PLCB1: variants seen among roughly 807,000 people sequenced by gnomAD.
PLCB1 encodes 1-phosphatidylinositol 4,5-bisphosphate phosphodiesterase beta-1.
Under a neutral mutation model 161.8 loss-of-function variants are expected in PLCB1, and 46 were observed. That is an observed-to-expected ratio of 0.28 (90% CI 0.22 to 0.36). The LOEUF (loss-of-function observed/expected upper bound fraction) is 0.36, where lower values mean the gene tolerates loss of function less well. Ranked by LOEUF, PLCB1 falls within the 10% of genes least tolerant of loss-of-function variation. The pLI, the probability that PLCB1 is intolerant of heterozygous loss-of-function variation, is 1.00. For synonymous variants in PLCB1, 517 were observed against 503.7 expected, an observed-to-expected ratio of 1.03 and a Z score of -0.35; for missense variants, 1,016 against 1,472.5, an observed-to-expected ratio of 0.69 and a Z score of 5.07.
intron 31 of PLCB1, among the ~76,000 whole-genome samples, chr20:8,828,255 A>G (rs1353957198): frequency 6.6e-6 from 1 of 152,164 alleles, no homozygotes; most frequent in Non-Finnish European, 1.5e-5. Context: ...GTGTCTTTGC[A>G]GGTTTTTTAG....
At chr20:8,814,032 G>C (rs889708173) in intron 31 of PLCB1, among the ~76,000 whole-genome samples, 2 of 151,998 alleles carry the variant, frequency 1.3e-5, no homozygotes, top group African/African-American at 4.8e-5. Context: ...ACCAGAAGTG[G>C]GGTTCAGCTG....
chr20:8,440,267 T>G (rs1980498305), intron 3 of PLCB1, among the ~76,000 whole-genome samples: 1 of 152,210 alleles, frequency 6.6e-6, no homozygotes, highest in Non-Finnish European at 1.5e-5. Context: ...TATTAAGTAT[T>G]CTGATGACAA....
intron 23 of PLCB1, among the ~76,000 whole-genome samples, chr20:8,753,328 C>G (rs1404188197): frequency 6.6e-6 from 1 of 152,174 alleles, no homozygotes; most frequent in Admixed American, 6.5e-5. Flanking sequence ...TCCTCTCCCC[C>G]TGGTCCATGA....
intron 26 of PLCB1, 22 bp from the exon 27 acceptor site, chr20:8,774,517 G>A: frequency 6.4e-7 from 1 of 1,574,144 alleles, no homozygotes; most frequent in Non-Finnish European, 8.7e-7. Context: ...TGTTTTGTGA[G>A]TCAAACTCTG....
intron 31 of PLCB1, among the ~76,000 whole-genome samples, chr20:8,806,522 T>C (rs537098378): frequency 6.6e-6 from 1 of 152,186 alleles, no homozygotes; most frequent in South Asian, 2.1e-4. Flanking sequence ...CAATGCTGTT[T>C]CAACAACAGA....
At position 8,646,173 on chromosome 20, in the gene PLCB1, G is replaced by A. The variant is rs200598979; in HGVS notation, c.456G>A (p.Leu152=). The A allele has an allele frequency of 1.0e-4, 167 of 1,610,040 alleles. 1 individual carries two copies. The East Asian group carries it at 3.6e-3, about 35-fold the overall frequency. The change falls in exon 5 of 32, where the codon CTG becomes CTA. Residue 152 remains leucine (L), a synonymous_variant. Coordinates refer to ENST00000338037, the MANE Select transcript of PLCB1 (RefSeq NM_015192.4). ...LAQNMSRDAF[L]EKAYTKLKLQ... The stretch of plus-strand genomic sequence containing the variant: ...AAAACATGTCCAGGGATGCATTTCT[G>A]GAAAAAGCGTAAGTCACTCTAATTT...
At chr20:8,679,674 A>T (rs1167013303) in intron 9 of PLCB1, among the ~76,000 whole-genome samples, 1 of 152,208 alleles carries the variant, frequency 6.6e-6, no homozygotes, top group Non-Finnish European at 1.5e-5. Flanking sequence ...TTTGTACTTC[A>T]GCTGGAAGTG....
intron 9 of PLCB1, 46 bp downstream of exon 9, chr20:8,658,750 G>A: frequency 6.6e-7 from 1 of 1,508,904 alleles, no homozygotes; most frequent in Non-Finnish European, 9.0e-7. Context: ...GTTTCTGATT[G>A]GGGGTAGTCA....
In PLCB1 at chr20:8,849,555, A is replaced by C. The variant is rs146539518; in HGVS notation, c.3424-32067A>C. On this transcript the variant is annotated intron_variant, in intron 31 of 31. Transcript: ENST00000338037. ...GTAGGGCATGATGGTGTGCGCCTGT[A>C]GTCCCAGCTATGTGGGAGGCTGAGG... Among the ~76,000 whole-genome samples, 1,075 of 152,252 alleles carry C rather than the reference A, an allele frequency of 7.1e-3. 12 individuals are homozygous for C. Among genetic ancestry groups the C allele is most frequent in the Non-Finnish European group, 8.7e-3 (594 of 68,022 alleles).
chr20:8,318,321 G>A (rs1984753338), intron 2 of PLCB1, among the ~76,000 whole-genome samples: 1 of 152,142 alleles, frequency 6.6e-6, no homozygotes, highest in Admixed American at 6.6e-5. Flanking sequence ...TCTAGTGGGA[G>A]AAGGGGGAGG....
intron 2 of PLCB1, among the ~76,000 whole-genome samples, chr20:8,341,384 A>G (rs777127799): frequency 1.1e-4 from 16 of 152,048 alleles, no homozygotes; most frequent in East Asian, 3.9e-4. Flanking sequence ...AAAGTTGCCA[A>G]TGTCCAACAT....
chr20:8,583,628 T>G (rs941127958), intron 3 of PLCB1, among the ~76,000 whole-genome samples: 13 of 152,200 alleles, frequency 8.5e-5, no homozygotes, highest in Admixed American at 7.9e-4. Flanking sequence ...ATTCCTGAGC[T>G]TACTGGAATA....
chr20:8,483,345 A>G (rs1982587131), intron 3 of PLCB1, among the ~76,000 whole-genome samples: 1 of 152,176 alleles, frequency 6.6e-6, no homozygotes, highest in Non-Finnish European at 1.5e-5. Context: ...TACCTTATAA[A>G]TGCAGGTCTA....
Position 8,786,009 on chromosome 20 carries a change from G to A in PLCB1, c.3112-2440G>A, listed in dbSNP as rs538629994. ...GGCACAAAGCATCCAAATCACCTCAGGAGATTTTGAGAATATTGATTCCCA... is the reference window on the plus strand; with the variant it reads ...GGCACAAAGCATCCAAATCACCTCAAGAGATTTTGAGAATATTGATTCCCA... On this transcript the variant is annotated intron_variant, in intron 27 of 31. Transcript: ENST00000338037. Among the ~76,000 whole-genome samples the A allele has an allele frequency of 2.6e-5, 4 of 152,118 alleles. No individual in the cohort carries two copies. The South Asian group carries it at 8.3e-4, about 32-fold the overall frequency.
At chr20:8,285,964 A>T (rs1020423722) in intron 2 of PLCB1, among the ~76,000 whole-genome samples, 5 of 152,216 alleles carry the variant, frequency 3.3e-5, no homozygotes, top group African/African-American at 9.6e-5. Context: ...TGGATACATT[A>T]GTCCTTTCAT....
At position 8,789,506 on chromosome 20, in the gene PLCB1, A is replaced by T; in HGVS notation, c.3279-12A>T. On this transcript the variant is annotated splice_polypyrimidine_tract_variant and intron_variant, in intron 29 of 31. Coordinates refer to ENST00000338037, the MANE Select transcript of PLCB1 (RefSeq NM_015192.4). The stretch of plus-strand genomic sequence containing the variant: ...GAATTGGTATAATGATGTATTCATC[A>T]TTTGCTTTTAGGGAGAAGACAGAGA... The T allele has an allele frequency of 1.9e-6, 3 of 1,589,540 alleles. No individual in the cohort carries two copies. Among genetic ancestry groups the T allele is most frequent in the Non-Finnish European group, 2.6e-6 (3 of 1,157,682 alleles).
intron 2 of PLCB1, among the ~76,000 whole-genome samples, chr20:8,216,336 G>A (rs1979122911): frequency 6.6e-6 from 1 of 152,060 alleles, no homozygotes; most frequent in Non-Finnish European, 1.5e-5. Context: ...AAATGCTATG[G>A]TCATTGTGGA....
At chr20:8,217,463 G>A (rs1366019922) in intron 2 of PLCB1, among the ~76,000 whole-genome samples, 5 of 152,114 alleles carry the variant, frequency 3.3e-5, no homozygotes, top group African/African-American at 4.8e-5. Flanking sequence ...GAGGACAGAG[G>A]AAGAGCAGCA....
At chr20:8,393,307 A>G (rs1987665259) in intron 3 of PLCB1, among the ~76,000 whole-genome samples, 2 of 152,132 alleles carry the variant, frequency 1.3e-5, no homozygotes, top group South Asian at 4.1e-4. Context: ...TTCCTCAGGT[A>G]TATAGAATAC....
Sources: gnomAD v4.1 joint callset for allele counts (sites outside exome capture counted in the v4.1 genomes callset) on GRCh38, gnomAD v4.1.1 for gene constraint, MANE v1.5 for transcripts, NCBI Gene and HGNC (gene_info 2026-07-23, HGNC 2026-07-21) for gene names.